The following FAM114A2 variants were observed in gnomAD, a reference collection of about 807,000 sequenced individuals.
FAM114A2 encodes protein FAM114A2.
FAM114A2 carries 53 observed loss-of-function variants against 58.4 expected under a neutral mutation model. The observed-to-expected ratio is 0.91, with a 90% confidence interval of 0.73 to 1.14. FAM114A2 has a LOEUF of 1.14. Ranked by LOEUF, FAM114A2 falls within the 50% of genes most tolerant of loss-of-function variation. The pLI is 0.00. For synonymous variants in FAM114A2, 228 were observed against 211.4 expected (o/e 1.08, Z -0.68); for missense variants, 601 against 581.1 (o/e 1.03, Z -0.35).
At position 153,990,772 on chromosome 5, in the gene FAM114A2, A is replaced by AG. The variant is rs2113125658; in HGVS notation, c.*2203dup. ...ATATTAGTAATTAGTGGTAAATCTT[A>AG]GACACCAAAAATTTAAAAGGAAAAT... is the stretch of plus-strand genomic sequence containing the variant. On this transcript the variant is annotated 3_prime_UTR_variant, in exon 14 of 14. Coordinates refer to ENST00000351797, the MANE Select transcript of FAM114A2 (RefSeq NM_018691.4). 6.6e-6 allele frequency: 1 copy of AG among 152,306 alleles called. No homozygotes were observed. The highest frequency in any genetic ancestry group is 2.1e-4 in the South Asian group (1 of 4,824). The allele number at this position is 152,306 out of a possible 1,614,324, so 9.4% of individuals were successfully genotyped here.
intron 4 of FAM114A2, among the ~76,000 whole-genome samples, chr5:154,032,969 G>A (rs720985): frequency 0.72 from 109,771 of 152,066 alleles, 39,931 homozygotes; most frequent in East Asian, 0.88. Context: ...AGTGCCTCCA[G>A]TTCACATCCA....
chr5:154,017,315 G>T (rs1771104116), intron 8 of FAM114A2, among the ~76,000 whole-genome samples: 1 of 152,204 alleles, frequency 6.6e-6, no homozygotes, highest in Admixed American at 6.5e-5. Flanking sequence ...GGTGGCACAT[G>T]CCTGTAATCC....
At chr5:154,033,994 G>T in intron 3 of FAM114A2, 111 bp from the exon 4 acceptor site, 1 of 718,974 alleles carries the variant, frequency 1.4e-6, no homozygotes, top group Non-Finnish European at 2.4e-6. Flanking sequence ...ATGTTATTTT[G>T]ACAATACATA....
intron 8 of FAM114A2, among the ~76,000 whole-genome samples, chr5:154,017,983 A>C (rs1771152351): frequency 6.6e-6 from 1 of 152,200 alleles, no homozygotes; most frequent in Admixed American, 6.5e-5. Flanking sequence ...ACTAACAGAC[A>C]ATCTAAAGTC....
intron 9 of FAM114A2, 36 bp from the exon 10 acceptor site, chr5:154,003,005 T>C: frequency 1.2e-6 from 2 of 1,607,956 alleles, no homozygotes; most frequent in Non-Finnish European, 1.7e-6. Context: ...AACAATTCAA[T>C]TCAGTTTACC....
intron 11 of FAM114A2, among the ~76,000 whole-genome samples, chr5:154,001,710 A>T (rs1769985502): frequency 6.6e-6 from 1 of 152,154 alleles, no homozygotes; most frequent in South Asian, 2.1e-4. Context: ...TTTTGTACAA[A>T]TCAGCAATAA....
intron 8 of FAM114A2, among the ~76,000 whole-genome samples, chr5:154,015,116 A>G (rs548880347): frequency 6.6e-6 from 1 of 152,202 alleles, no homozygotes; most frequent in South Asian, 2.1e-4. Flanking sequence ...CCTCATCCCC[A>G]TTCCCCACAG....
At chr5:154,013,994 A>C (rs2113342050) in intron 8 of FAM114A2, among the ~76,000 whole-genome samples, 2 of 152,356 alleles carry the variant, frequency 1.3e-5, no homozygotes, top group East Asian at 3.9e-4. Flanking sequence ...CTCAATGTTA[A>C]GTAACTTCTC....
At position 154,034,875 on chromosome 5, in the gene FAM114A2, C is replaced by T; in HGVS notation, c.79G>A (p.Ala27Thr). 1 of 1,613,978 alleles carries T rather than the reference C, an allele frequency of 6.2e-7. No homozygotes were observed. The highest frequency in any genetic ancestry group is 1.6e-4 in the Middle Eastern group (1 of 6,062). Residue 27 changes from alanine to threonine, a missense_variant, in exon 2 of 14, where the codon GCC (alanine) becomes ACC (threonine). Transcript: ENST00000351797. ...TGGTCAACAGACTCAGAATTCTTGG[C>T]TGGCTCACAGTTTCCATCTTCAAGG... The part of the protein sequence containing the change: ...PILEDGNCEP[A>T]KNSESVDQGA...
In FAM114A2 at chr5:154,031,312, C is replaced by CAAAAAAAAAAAAAAAAAAAAA. The variant is rs59757780; in HGVS notation, c.404-1733_404-1732insTTTTTTTTTTTTTTTTTTTTT. On this transcript the variant is annotated intron_variant, in intron 4 of 13. Coordinates refer to ENST00000351797, the MANE Select transcript of FAM114A2 (RefSeq NM_018691.4). ...GGGCGACAGAGTGAGACTCCCTCTCCAAAAAAAAAAAAAAAAGCCTTAAAG... is the reference window on the plus strand; with the variant it reads ...GGGCGACAGAGTGAGACTCCCTCTCCAAAAAAAAAAAAAAAAAAAAAAAAAAAAAAAAAAAAAGCCTTAAAG... Among the ~76,000 whole-genome samples the CAAAAAAAAAAAAAAAAAAAAA allele has an allele frequency of 1.0e-4, 5 of 47,846 alleles. 1 individual carries two copies. The highest frequency in any genetic ancestry group is 1.3e-4 in the Non-Finnish European group (4 of 29,848). 31.4% of individuals were successfully genotyped at this position (47,846 alleles called of 152,430 possible). A position where few individuals can be genotyped will look rare whatever the true frequency, so the allele number is the denominator to read the frequency against.
At chr5:154,025,101 T>C (rs1771689375) in intron 8 of FAM114A2, among the ~76,000 whole-genome samples, 2 of 152,134 alleles carry the variant, frequency 1.3e-5, no homozygotes, top group African/African-American at 4.8e-5. Context: ...CAAGTAAAAA[T>C]GGTATTCCAC....
intron 8 of FAM114A2, among the ~76,000 whole-genome samples, chr5:154,020,932 A>G (rs2118661): frequency 0.59 from 89,343 of 151,960 alleles, 26,930 homozygotes; most frequent in East Asian, 0.76. Flanking sequence ...GCAGCACACC[A>G]AAAAGCTTAT....
intron 8 of FAM114A2, among the ~76,000 whole-genome samples, chr5:154,015,507 T>C (rs995392027): frequency 6.6e-6 from 1 of 151,954 alleles, no homozygotes; most frequent in Non-Finnish European, 1.5e-5. Flanking sequence ...GGTGGCTAGA[T>C]CCAGAAGAGA....
chr5:153,998,843 A>T (rs1325810752), intron 11 of FAM114A2, among the ~76,000 whole-genome samples: 3 of 152,264 alleles, frequency 2.0e-5, no homozygotes, highest in Admixed American at 6.5e-5. Context: ...CCAAAGCCCA[A>T]GAGTTGTGAT....
At chr5:154,005,766 T>G (rs1770311002) in intron 9 of FAM114A2, among the ~76,000 whole-genome samples, 1 of 152,222 alleles carries the variant, frequency 6.6e-6, no homozygotes, top group African/African-American at 2.4e-5. Flanking sequence ...CAGAAACTGT[T>G]TATTACCACC....
In FAM114A2 at chr5:153,991,510, A is replaced by G. The variant is rs1178904584; in HGVS notation, c.*1466T>C. 2 of 152,194 alleles carry G rather than the reference A, an allele frequency of 1.3e-5. No homozygotes were observed. The highest frequency in any genetic ancestry group is 2.9e-5 in the Non-Finnish European group (2 of 68,028). The allele number at this position is 152,194 out of a possible 1,614,324, so 9.4% of individuals were successfully genotyped here. Reference sequence around the variant, plus strand: ...GGGTGAAATTTGTCTTTAAAAAGGAATATTCAAAAACTTTCTGATCATATT... The same window carrying G: ...GGGTGAAATTTGTCTTTAAAAAGGAGTATTCAAAAACTTTCTGATCATATT... On this transcript the variant is annotated 3_prime_UTR_variant, in exon 14 of 14. Transcript: ENST00000351797.
chr5:154,031,607 G>GTTAA (rs1436028926), intron 4 of FAM114A2, among the ~76,000 whole-genome samples: 1 of 152,150 alleles, frequency 6.6e-6, no homozygotes, highest in African/African-American at 2.4e-5. Context: ...AGTTCTCCCT[G>GTTAA]TTAAACTCTT....
At chr5:154,034,650 T>G in intron 2 of FAM114A2, 94 bp downstream of exon 2, 1 of 891,568 alleles carries the variant, frequency 1.1e-6, no homozygotes, top group Non-Finnish European at 1.8e-6. Context: ...AGAGCAATTC[T>G]AAATTGGTAT....
At chr5:154,002,175 G>T in intron 11 of FAM114A2, 76 bp downstream of exon 11, 1 of 1,397,690 alleles carries the variant, frequency 7.2e-7, no homozygotes, top group Non-Finnish European at 1.0e-6. Context: ...TGAGAGAGAC[G>T]TTTATAAAAC....
Sources: allele counts gnomAD v4.1 joint callset (sites outside exome capture counted in the v4.1 genomes callset), GRCh38; gene constraint gnomAD v4.1.1; transcripts MANE v1.5; gene names NCBI Gene and HGNC (gene_info 2026-07-23, HGNC 2026-07-21).